Variants in DNAH5 observed in about 807,000 individuals in gnomAD.
The protein encoded by DNAH5 is dynein axonemal heavy chain 5.
In DNAH5, 372 loss-of-function variants were observed where a neutral mutation model predicts 518.2. That is an observed-to-expected ratio of 0.72 (90% CI 0.66 to 0.78). The LOEUF (loss-of-function observed/expected upper bound fraction) is 0.78, where lower values mean the gene tolerates loss of function less well. DNAH5 is among the 30% of genes least tolerant of loss of function. The pLI, the probability that DNAH5 is intolerant of heterozygous loss-of-function variation, is 0.00. For missense variants in DNAH5, 5,523 were observed against 5,687.0 expected (o/e 0.97, Z 0.93); for synonymous variants, 2,039 against 2,025.9 (o/e 1.01, Z -0.17).
chr5:13,913,966 T>C lies in DNAH5; in HGVS notation c.1321-8A>G. On this transcript the variant is annotated splice_region_variant and splice_polypyrimidine_tract_variant and intron_variant, in intron 10 of 78. Transcript: ENST00000265104. ...AAAGCAGAGCTGGTATTCCTTAAAA[T>C]CAAAAGAAAAATATACAACAAAGGG... 1.1e-5 allele frequency: 17 copies of C among 1,611,894 alleles called. No individual in the cohort carries two copies. The highest frequency in any genetic ancestry group is 1.4e-5 in the Non-Finnish European group (16 of 1,178,756).
At chr5:13,801,581 ACCTC>A (rs1758755241) in intron 47 of DNAH5, among the ~76,000 whole-genome samples, 1 of 151,470 alleles carries the variant, frequency 6.6e-6, no homozygotes, top group African/African-American at 2.4e-5. Flanking sequence ...GTCCAGCCCA[ACCTC>A]CCTCCTGAGA....
At chr5:13,864,334 T>C in intron 28 of DNAH5, 63 bp downstream of exon 28, 1 of 1,597,644 alleles carries the variant, frequency 6.3e-7, no homozygotes, top group Non-Finnish European at 8.6e-7. Context: ...TATTCCATAA[T>C]ATAGAAATGT....
At chr5:13,817,952 T>A (rs927004605) in intron 41 of DNAH5, among the ~76,000 whole-genome samples, 2 of 152,190 alleles carry the variant, frequency 1.3e-5, no homozygotes, top group African/African-American at 4.8e-5. Flanking sequence ...CATGCTGGAA[T>A]TTATGAAGGT....
At chr5:13,694,369 T>C (rs754751932) in intron 78 of DNAH5, among the ~76,000 whole-genome samples, 9 of 152,230 alleles carry the variant, frequency 5.9e-5, no homozygotes, top group Non-Finnish European at 7.3e-5. Context: ...TATAATTTCA[T>C]AGTGAAAACG....
intron 47 of DNAH5, among the ~76,000 whole-genome samples, chr5:13,802,764 G>A (rs1281303670): frequency 2.0e-5 from 3 of 152,152 alleles, no homozygotes; most frequent in African/African-American, 7.2e-5. Flanking sequence ...GACCTGCAAG[G>A]TCTTACATAA....
At chr5:13,835,844 C>T (rs1182950295) in intron 35 of DNAH5, among the ~76,000 whole-genome samples, 1 of 152,078 alleles carries the variant, frequency 6.6e-6, no homozygotes, top group Admixed American at 6.6e-5. Context: ...CATGTGTGTC[C>T]GTAGCGTTTA....
intron 75 of DNAH5, among the ~76,000 whole-genome samples, chr5:13,712,958 ACTACTGGGTAT>A (rs927038813): frequency 5.9e-5 from 9 of 152,198 alleles, no homozygotes; most frequent in African/African-American, 2.2e-4. Flanking sequence ...CAGCAATCCC[ACTACTGGGTAT>A]CTACCCAGAA....
intron 21 of DNAH5, among the ~76,000 whole-genome samples, chr5:13,881,840 A>C (rs1771718344): frequency 6.6e-6 from 1 of 152,018 alleles, no homozygotes; most frequent in Non-Finnish European, 1.5e-5. Flanking sequence ...CAGAGCATAA[A>C]CAAATGAAAT....
At chr5:13,898,826 TC>T (rs1390397341) in intron 15 of DNAH5, 2 of 388,304 alleles carry the variant, frequency 5.2e-6, no homozygotes, top group African/African-American at 4.1e-5. Flanking sequence ...CATGGCCGCA[TC>T]TCTGATCTCA....
In DNAH5 at chr5:13,744,978, A is replaced by G. The variant is rs1009112062; in HGVS notation, c.11211+6100T>C. Among the ~76,000 whole-genome samples the G allele has an allele frequency of 7.9e-5, 12 of 152,028 alleles. No individual in the cohort carries two copies. In the East Asian group the frequency reaches 2.3e-3, roughly 29 times the overall value. On this transcript the variant is annotated intron_variant, in intron 65 of 78. Coordinates refer to ENST00000265104, the MANE Select transcript of DNAH5 (RefSeq NM_001369.3). ...AGCTGGTGATAACGATGTCTGTTTA[A>G]TGTCCTTCTTAAATTACTTCCCATG...
chr5:13,750,823 T>C (rs1383035841), intron 65 of DNAH5, among the ~76,000 whole-genome samples: 2 of 152,204 alleles, frequency 1.3e-5, no homozygotes, highest in Admixed American at 1.3e-4. Context: ...TGATTCCTCG[T>C]AGTTTCATCA....
intron 47 of DNAH5, among the ~76,000 whole-genome samples, chr5:13,795,226 C>T (rs1757643022): frequency 1.3e-5 from 2 of 151,896 alleles, no homozygotes; most frequent in Admixed American, 6.6e-5. Context: ...GAGACAGACA[C>T]ACAAAAAACC....
intron 1 of DNAH5, among the ~76,000 whole-genome samples, chr5:13,939,955 G>C (rs542847167): frequency 1.3e-5 from 2 of 152,146 alleles, no homozygotes; most frequent in Non-Finnish European, 2.9e-5. Flanking sequence ...GCACTTAAGC[G>C]TGTGGTACCA....
At chr5:13,757,490 G>A (rs551802295) in intron 61 of DNAH5, among the ~76,000 whole-genome samples, 491 of 152,230 alleles carry the variant, frequency 3.2e-3, no homozygotes, top group Non-Finnish European at 4.8e-3. Context: ...ATTGTTGGCC[G>A]CATGTATGTC....
intron 1 of DNAH5, among the ~76,000 whole-genome samples, chr5:13,974,489 A>G (rs745606010): frequency 6.6e-6 from 1 of 152,166 alleles, no homozygotes; most frequent in Non-Finnish European, 1.5e-5. Context: ...ATTCATTAAT[A>G]CCTGTGATAG....
At chr5:13,928,628 C>T (rs565015160) in intron 2 of DNAH5, among the ~76,000 whole-genome samples, 9 of 152,288 alleles carry the variant, frequency 5.9e-5, no homozygotes, top group Admixed American at 3.9e-4. Flanking sequence ...ACTATGAACA[C>T]ACCTTCCAGT....
rs761289479 is a variant in DNAH5 at position 13,911,444 on chromosome 5, C to T, written c.1586G>A (p.Arg529Gln). ...GTAATCTTGGTCAAAATCCATTTTCCGCTGGTCTAGGAAATTGTATTCCTT... is the reference window on the plus strand; with the variant it reads ...GTAATCTTGGTCAAAATCCATTTTCTGCTGGTCTAGGAAATTGTATTCCTT... ...KKKEYNFLDQ[R>Q]KMDFDQDYEE... Residue 529 changes from arginine (R) to glutamine (Q), a missense_variant, in exon 12 of 79, where the codon CGG (arginine) becomes CAG (glutamine). Arg to Gln is a conservative substitution (Grantham distance 43). Transcript: ENST00000265104. 1.8e-5 allele frequency: 29 copies of T among 1,613,862 alleles called. No individual in the cohort carries two copies. The highest frequency in any genetic ancestry group is 8.8e-5 in the South Asian group (8 of 91,082).
At chr5:13,850,047 A>G (rs528383562) in intron 31 of DNAH5, among the ~76,000 whole-genome samples, 3 of 152,284 alleles carry the variant, frequency 2.0e-5, no homozygotes, top group Admixed American at 2.0e-4. Flanking sequence ...GGCCAAGGAG[A>G]CATCATTATT....
At chr5:13,832,104 C>G (rs1420715471) in intron 35 of DNAH5, among the ~76,000 whole-genome samples, 1 of 151,994 alleles carries the variant, frequency 6.6e-6, no homozygotes, top group Admixed American at 6.6e-5. Flanking sequence ...ACAAGTTTAC[C>G]TATGTAACAA....
Sources: allele counts gnomAD v4.1 joint callset (sites outside exome capture counted in the v4.1 genomes callset), GRCh38; gene constraint gnomAD v4.1.1; transcripts MANE v1.5; gene names NCBI Gene and HGNC (gene_info 2026-07-23, HGNC 2026-07-21).